KIAA0825: variants seen among roughly 807,000 people sequenced by gnomAD.
KIAA0825 encodes the protein uncharacterized protein KIAA0825.
KIAA0825 carries 119 observed loss-of-function variants against 147.6 expected under a neutral mutation model. The observed-to-expected ratio is 0.81, with a 90% CI of 0.69 to 0.94. The LOEUF is 0.94. Ranked by LOEUF, KIAA0825 falls within the 40% of genes least tolerant of loss-of-function variation. The pLI, the probability that KIAA0825 is intolerant of heterozygous loss-of-function variation, is 0.00. For missense variants in KIAA0825, 1,381 were observed against 1,472.7 expected (o/e 0.94, Z 1.02); for synonymous variants, 470 against 518.1 (o/e 0.91, Z 1.26).
Position 94,386,223 on chromosome 5 carries a change from T to C in KIAA0825, c.3619+19A>G. On this transcript the variant is annotated intron_variant, in intron 19 of 20. Transcript: ENST00000682413. Reference sequence around the variant, plus strand: ...AAAGAAACCACACATTTAAATTAAATTTACCATTTAATTTCCACATACCTG... The same window carrying C: ...AAAGAAACCACACATTTAAATTAAACTTACCATTTAATTTCCACATACCTG... The C allele has an allele frequency of 6.5e-7, 1 of 1,526,826 alleles. No individual in the cohort carries two copies. Among genetic ancestry groups the C allele is most frequent in the Non-Finnish European group, 8.8e-7 (1 of 1,136,122 alleles). The allele number at this position is 1,526,826 out of a possible 1,614,324, so 94.6% of individuals were successfully genotyped here.
chr5:94,211,054 G>A (rs1772664703), intron 20 of KIAA0825, among the ~76,000 whole-genome samples: 1 of 152,052 alleles, frequency 6.6e-6, no homozygotes, highest in South Asian at 2.1e-4. Context: ...TATCAACAAA[G>A]ATCAAAATCT....
chr5:94,442,930 T>C (rs1044090795), intron 13 of KIAA0825, among the ~76,000 whole-genome samples: 1 of 151,892 alleles, frequency 6.6e-6, no homozygotes, highest in African/African-American at 2.4e-5. Flanking sequence ...GGCAAAGGAG[T>C]TTCCTGATCT....
intron 20 of KIAA0825, among the ~76,000 whole-genome samples, chr5:94,160,888 G>C (rs1767516320): frequency 6.6e-6 from 1 of 152,068 alleles, no homozygotes; most frequent in Admixed American, 6.6e-5. Context: ...GTTCAAATCA[G>C]AGGGGAAAGT....
chr5:94,537,049 C>T lies in KIAA0825; in HGVS notation c.78G>A (p.Glu26=). Residue 26 remains glutamate, a synonymous_variant, in exon 3 of 21, where the codon GAG becomes GAA. Coordinates refer to ENST00000682413, the MANE Select transcript of KIAA0825 (RefSeq NM_001145678.3). ...CLLNSFPGDL[E]FEQIFSDIDE... is the part of the protein sequence containing the mutation. ...CAATGTCACTGAAGATCTGCTCAAA[C>T]TCCAAGTCTCCAGGAAATGAGTTTA... is the stretch of plus-strand genomic sequence containing the variant. The T allele has an allele frequency of 6.2e-7, 1 of 1,607,248 alleles. No individual in the cohort carries two copies. The highest frequency in any genetic ancestry group is 8.5e-7 in the Non-Finnish European group (1 of 1,174,102).
intron 5 of KIAA0825, among the ~76,000 whole-genome samples, chr5:94,501,080 G>GA (rs1765026394): frequency 1.3e-5 from 2 of 152,070 alleles, no homozygotes; most frequent in Non-Finnish European, 2.9e-5. Flanking sequence ...ATTTTAAATG[G>GA]AAAAAAATTA....
At chr5:94,319,597 C>T (rs1446583777) in intron 20 of KIAA0825, among the ~76,000 whole-genome samples, 2 of 151,928 alleles carry the variant, frequency 1.3e-5, no homozygotes, top group Non-Finnish European at 2.9e-5. Context: ...GCCTGGGAGA[C>T]ATCCTTGATT....
At chr5:94,259,681 G>A (rs181841233) in intron 20 of KIAA0825, among the ~76,000 whole-genome samples, 6 of 151,864 alleles carry the variant, frequency 4.0e-5, no homozygotes. Flanking sequence ...TTATTTATAT[G>A]ACCTCAAGCC....
intron 10 of KIAA0825, among the ~76,000 whole-genome samples, chr5:94,469,197 G>GTC (rs2150982062): frequency 6.6e-6 from 1 of 151,010 alleles, no homozygotes; most frequent in Admixed American, 6.6e-5. Context: ...CTGAGATGGA[G>GTC]TCTAGCTCTG....
chr5:94,332,419 G>A (rs189467803), intron 20 of KIAA0825, among the ~76,000 whole-genome samples: 12 of 151,832 alleles, frequency 7.9e-5, no homozygotes, highest in African/African-American at 2.7e-4. Context: ...CATTTCCCTC[G>A]CTGTGCCCAT....
intron 2 of KIAA0825, among the ~76,000 whole-genome samples, chr5:94,577,541 T>C (rs907145714): frequency 2.0e-5 from 3 of 152,226 alleles, no homozygotes; most frequent in African/African-American, 7.2e-5. Flanking sequence ...TTAAACTCTC[T>C]TTGGCAATTG....
intron 20 of KIAA0825, among the ~76,000 whole-genome samples, chr5:94,317,056 T>C (rs1442975880): frequency 6.6e-6 from 1 of 151,784 alleles, no homozygotes; most frequent in Non-Finnish European, 1.5e-5. Context: ...AACTAGATAG[T>C]AAGATATGAG....
intron 20 of KIAA0825, among the ~76,000 whole-genome samples, chr5:94,154,767 A>G (rs2149900946): frequency 6.6e-6 from 1 of 152,344 alleles, no homozygotes; most frequent in South Asian, 2.1e-4. Flanking sequence ...CAACCTACAT[A>G]CATACAAATA....
chr5:94,372,207 G>A (rs556049153), intron 20 of KIAA0825, among the ~76,000 whole-genome samples: 61 of 152,306 alleles, frequency 4.0e-4, no homozygotes, highest in African/African-American at 1.3e-3. Flanking sequence ...CTGAGTGCCT[G>A]CAGCTTTTCT....
At chr5:94,526,766 T>G (rs1472439673) in intron 3 of KIAA0825, among the ~76,000 whole-genome samples, 1 of 152,016 alleles carries the variant, frequency 6.6e-6, no homozygotes, top group Admixed American at 6.6e-5. Flanking sequence ...CATTGTGATA[T>G]ATACTAGGGA....
At chr5:94,522,424 GT>G (rs1007479436) in intron 4 of KIAA0825, among the ~76,000 whole-genome samples, 1 of 151,572 alleles carries the variant, frequency 6.6e-6, no homozygotes, top group East Asian at 1.9e-4. Flanking sequence ...CTCTGCCTTG[GT>G]TTTTTTAAGT....
intron 7 of KIAA0825, among the ~76,000 whole-genome samples, chr5:94,475,634 C>T (rs998923696): frequency 6.6e-6 from 1 of 152,024 alleles, no homozygotes; most frequent in Admixed American, 6.6e-5. Flanking sequence ...ATGATGAAAC[C>T]CGGTCTCTAC....
chr5:94,340,887 GT>G (rs1432429490), intron 20 of KIAA0825, among the ~76,000 whole-genome samples: 1 of 152,174 alleles, frequency 6.6e-6, no homozygotes, highest in African/African-American at 2.4e-5. Context: ...GCATAACGCA[GT>G]GCTGGGAAGA....
At chr5:94,215,174 G>C (rs1440632110) in intron 20 of KIAA0825, among the ~76,000 whole-genome samples, 1 of 152,096 alleles carries the variant, frequency 6.6e-6, no homozygotes, top group Non-Finnish European at 1.5e-5. Flanking sequence ...GGAAAAGAAG[G>C]CTCAAAAAAT....
chr5:94,345,497 A>G (rs1782882658), intron 20 of KIAA0825, among the ~76,000 whole-genome samples: 1 of 152,104 alleles, frequency 6.6e-6, no homozygotes, highest in Admixed American at 6.5e-5. Flanking sequence ...CAACTTGGCT[A>G]TGTGTAAAGT....
Sources: allele counts gnomAD v4.1 joint callset (sites outside exome capture counted in the v4.1 genomes callset), GRCh38; gene constraint gnomAD v4.1.1; transcripts MANE v1.5; gene names NCBI Gene and HGNC (gene_info 2026-07-23, HGNC 2026-07-21).